Variants in DLC1 observed in about 807,000 individuals in gnomAD.
The protein encoded by DLC1 is DLC1 Rho GTPase activating protein.
Under a neutral mutation model 140.3 loss-of-function variants are expected in DLC1, and 54 were observed. The observed-to-expected ratio is 0.38, with a 90% CI of 0.31 to 0.48. The LOEUF (loss-of-function observed/expected upper bound fraction) is 0.48, where lower values mean the gene tolerates loss of function less well. Ranked by LOEUF, DLC1 falls within the 20% of genes least tolerant of loss-of-function variation. DLC1 has a pLI of 0.96. For missense variants in DLC1, 2,536 were observed against 1,907.0 expected (o/e 1.33, Z -6.14); for synonymous variants, 986 against 728.1 (o/e 1.35, Z -5.70).
chr8:13,557,243 C>G lies in DLC1; in HGVS notation c.-126+47294G>C, dbSNP rs1316777484. 2.6e-5 allele frequency among the ~76,000 whole-genome samples: 4 copies of G among 152,100 alleles called. No homozygotes were observed. The South Asian group carries it at 8.3e-4, about 31-fold the overall frequency. On this transcript the variant is annotated intron_variant, in intron 1 of 1. Transcript: ENST00000631382. ...TTTTTTTATTCGTACTCTGAAAAAG[C>G]CAACCCACACTAGTTAATTGTTTCT...
At chr8:13,209,567 G>A (rs1039757514) in intron 5 of DLC1, among the ~76,000 whole-genome samples, 1 of 152,182 alleles carries the variant, frequency 6.6e-6, no homozygotes, top group African/African-American at 2.4e-5. Flanking sequence ...CGAATCTCAT[G>A]TTGAAATGTA....
intron 5 of DLC1, among the ~76,000 whole-genome samples, chr8:13,183,348 C>A (rs765261929): frequency 6.6e-6 from 1 of 152,154 alleles, no homozygotes; most frequent in African/African-American, 2.4e-5. Flanking sequence ...ACTTCCAACA[C>A]TAGGTTGAAT....
At chr8:13,544,844 T>C (rs1232477965) in intron 1 of DLC1, among the ~76,000 whole-genome samples, 1 of 152,220 alleles carries the variant, frequency 6.6e-6, no homozygotes, top group East Asian at 1.9e-4. Context: ...TATGATTCAA[T>C]GTCTCTTTGT....
At chr8:13,401,227 C>T (rs1221410149) in intron 3 of DLC1, among the ~76,000 whole-genome samples, 1 of 152,178 alleles carries the variant, frequency 6.6e-6, no homozygotes, top group Non-Finnish European at 1.5e-5. Context: ...AGGTGACTTT[C>T]CTTCCTGTTT....
intron 5 of DLC1, among the ~76,000 whole-genome samples, chr8:13,231,157 G>A (rs1487837205): frequency 4.6e-5 from 7 of 151,602 alleles, no homozygotes; most frequent in African/African-American, 1.2e-4. Flanking sequence ...TGGCCTTCAA[G>A]TTCTTTAAAT....
intron 1 of DLC1, among the ~76,000 whole-genome samples, chr8:13,562,206 C>T (rs560060968): frequency 1.6e-3 from 245 of 151,870 alleles, no homozygotes; most frequent in African/African-American, 5.6e-3. Flanking sequence ...AATCCAAGGG[C>T]AAGTAGGAAA....
Position 13,099,965 on chromosome 8 carries a change from A to G in DLC1, c.2372T>C (p.Val791Ala), listed in dbSNP as rs1474809233. ...PFNQSTFNNV[V>A]EQNFKNRESY... ...CTCGCGGTTCTTAAAGTTCTGCTCC[A>G]CCACGTTGTTAAATGTTGACTGATT... Residue 791 changes from valine (V) to alanine (A), a missense_variant, in exon 9 of 18, where the codon GTG becomes GCG. Physicochemically the swap from Val to Ala is moderately conservative, Grantham distance 64. Transcript: ENST00000276297. The G allele has an allele frequency of 1.2e-6, 2 of 1,612,944 alleles. No homozygotes were observed. The highest frequency in any genetic ancestry group is 2.7e-5 in the African/African-American group (2 of 74,926).
chr8:13,472,806 A>G (rs986401055), intron 2 of DLC1, among the ~76,000 whole-genome samples: 1 of 152,180 alleles, frequency 6.6e-6, no homozygotes, highest in Non-Finnish European at 1.5e-5. Flanking sequence ...TAATGAGGGT[A>G]TTACTGCAAG....
chr8:13,451,764 T>C (rs1004251341), intron 2 of DLC1, among the ~76,000 whole-genome samples: 1 of 152,238 alleles, frequency 6.6e-6, no homozygotes, highest in Non-Finnish European at 1.5e-5. Flanking sequence ...TATTCATTCA[T>C]GTGTTGATGG....
At chr8:13,294,719 G>A (rs1831881862) in intron 5 of DLC1, among the ~76,000 whole-genome samples, 1 of 152,160 alleles carries the variant, frequency 6.6e-6, no homozygotes, top group African/African-American at 2.4e-5. Flanking sequence ...AGCCTGAGAA[G>A]TCTTGGCATT....
At chr8:13,168,039 A>G (rs919188778) in intron 5 of DLC1, among the ~76,000 whole-genome samples, 2 of 152,208 alleles carry the variant, frequency 1.3e-5, no homozygotes, top group East Asian at 3.9e-4. Flanking sequence ...AAGCTTTTGC[A>G]TATAAAGAAT....
At chr8:13,555,327 T>A (rs926418597) in intron 1 of DLC1, among the ~76,000 whole-genome samples, 1 of 152,074 alleles carries the variant, frequency 6.6e-6, no homozygotes, top group Non-Finnish European at 1.5e-5. Flanking sequence ...CTTTCTTGTA[T>A]GTTTTTTTTT....
At chr8:13,449,958 T>C (rs1224101134) in intron 2 of DLC1, among the ~76,000 whole-genome samples, 1 of 152,130 alleles carries the variant, frequency 6.6e-6, no homozygotes, top group African/African-American at 2.4e-5. Flanking sequence ...GTGATAGCTA[T>C]AACTTTATAA....
Position 13,099,601 on chromosome 8 carries a change from G to A in DLC1, c.2736C>T (p.His912=). The change falls in exon 9 of 18, where the codon CAC becomes CAT. Residue 912 remains histidine, a synonymous_variant. Transcript: ENST00000276297. ...IFPELDDILY[H]VKGMQRIVNQ... ...TGACTATCCGCTGCATCCCCTTCAC[G>A]TGGTAGAGGATGTCGTCCAGCTCGG... The A allele has an allele frequency of 6.2e-7, 1 of 1,614,168 alleles. No homozygotes were observed. The highest frequency in any genetic ancestry group is 8.5e-7 in the Non-Finnish European group (1 of 1,180,032).
intron 1 of DLC1, among the ~76,000 whole-genome samples, chr8:13,534,756 C>T (rs541256100): frequency 1.3e-5 from 2 of 152,256 alleles, no homozygotes; most frequent in South Asian, 4.1e-4. Flanking sequence ...ATCCACAGGA[C>T]TGACACCAGC....
chr8:13,259,728 C>A (rs1830404356), intron 5 of DLC1, among the ~76,000 whole-genome samples: 1 of 151,100 alleles, frequency 6.6e-6, no homozygotes, highest in Non-Finnish European at 1.5e-5. Flanking sequence ...TGTTATGCAG[C>A]CTGAAAAAAA....
chr8:13,545,550 G>A (rs956587692), intron 1 of DLC1, among the ~76,000 whole-genome samples: 3 of 151,990 alleles, frequency 2.0e-5, no homozygotes, highest in Non-Finnish European at 4.4e-5. Context: ...TCTCTGCTCA[G>A]TCAATTGTAA....
At chr8:13,227,433 G>A (rs112860248) in intron 5 of DLC1, among the ~76,000 whole-genome samples, 3,173 of 152,288 alleles carry the variant, frequency 0.021, 132 homozygotes, top group African/African-American at 0.071. Context: ...AGATGGTGAA[G>A]TATGGGCTGA....
chr8:13,278,864 T>A (rs1430721196), intron 5 of DLC1, among the ~76,000 whole-genome samples: 1 of 152,172 alleles, frequency 6.6e-6, no homozygotes, highest in Non-Finnish European at 1.5e-5. Flanking sequence ...TCATCAGAGA[T>A]CATGTATAGG....
Sources: allele counts gnomAD v4.1 joint callset (sites outside exome capture counted in the v4.1 genomes callset), GRCh38; gene constraint gnomAD v4.1.1; transcripts MANE v1.5; gene names NCBI Gene and HGNC (gene_info 2026-07-23, HGNC 2026-07-21).